Variants in EFCAB11 observed in about 807,000 individuals in gnomAD.
EFCAB11 encodes EF-hand calcium binding domain 11.
Under a neutral mutation model 23.0 loss-of-function variants are expected in EFCAB11, and 14 were observed. The ratio of observed to expected loss-of-function variants is 0.61; its 90% CI spans 0.40 to 0.95. The LOEUF is 0.95. Ranked by LOEUF, EFCAB11 falls within the 40% of genes least tolerant of loss-of-function variation. The pLI, the probability that EFCAB11 is intolerant of heterozygous loss-of-function variation, is 0.00. For synonymous variants in EFCAB11, 65 were observed against 66.6 expected (o/e 0.98, Z 0.11); for missense variants, 198 against 195.8 (o/e 1.01, Z -0.07).
intron 5 of EFCAB11, among the ~76,000 whole-genome samples, chr14:89,844,250 T>C (rs968126086): frequency 3.9e-5 from 6 of 152,232 alleles, no homozygotes; most frequent in African/African-American, 1.4e-4. Flanking sequence ...ATAAAATTAA[T>C]ACTTTTTAAT....
At chr14:89,854,210 A>G (rs62963861) in intron 5 of EFCAB11, among the ~76,000 whole-genome samples, 1 of 147,300 alleles carries the variant, frequency 6.8e-6, no homozygotes, top group Admixed American at 6.8e-5. Context: ...AAAAAAAAAA[A>G]TGACATCTCA....
At chr14:89,858,172 T>C (rs1345174860) in intron 5 of EFCAB11, among the ~76,000 whole-genome samples, 1 of 152,140 alleles carries the variant, frequency 6.6e-6, no homozygotes, top group African/African-American at 2.4e-5. Flanking sequence ...TCTCTTGCCA[T>C]GTGGTGAAGA....
intron 5 of EFCAB11, among the ~76,000 whole-genome samples, chr14:89,918,487 C>T (rs536959940): frequency 1.5e-4 from 22 of 148,582 alleles, no homozygotes; most frequent in African/African-American, 5.0e-4. Flanking sequence ...TGCAGTGAGC[C>T]GAGATCACAC....
In EFCAB11 at chr14:89,796,520, C is replaced by T. The variant is rs1005315952; in HGVS notation, c.*723G>A. The T allele has an allele frequency of 6.6e-6, 1 of 152,000 alleles. No individual in the cohort carries two copies. Among genetic ancestry groups the T allele is most frequent in the Non-Finnish European group, 1.5e-5 (1 of 68,020 alleles). The allele number at this position is 152,000 out of a possible 1,614,324, so 9.4% of individuals were successfully genotyped here. ...GTAGGGATGGGGTCTCGGTATGTTG[C>T]CCAGGCTAGTCTCCAATTCCTAGGC... On this transcript the variant is annotated 3_prime_UTR_variant, in exon 6 of 6. Transcript: ENST00000316738.
chr14:89,827,386 A>C (rs1413809959), intron 5 of EFCAB11, among the ~76,000 whole-genome samples: 1 of 152,126 alleles, frequency 6.6e-6, no homozygotes, highest in Non-Finnish European at 1.5e-5. Context: ...GCCTCACAGG[A>C]ACTGCAAGAG....
In EFCAB11 at chr14:89,881,457, A is replaced by G. The variant is rs956478197; in HGVS notation, c.410+50084T>C. On this transcript the variant is annotated intron_variant, in intron 5 of 5. Transcript: ENST00000316738. ...TGGTCTACTTTATGACTTGGCATATATATATATATTCTTTTTTTTTTTCTT... is the reference window on the plus strand; with the variant it reads ...TGGTCTACTTTATGACTTGGCATATGTATATATATTCTTTTTTTTTTTCTT... 4.0e-3 allele frequency among the ~76,000 whole-genome samples: 445 copies of G among 112,442 alleles called. 45 individuals carry two copies. The highest frequency in any genetic ancestry group is 0.014 in the African/African-American group (412 of 30,290). The allele number at this position is 112,442 out of a possible 152,430, so 73.8% of individuals were successfully genotyped here. A position where few individuals can be genotyped will look rare whatever the true frequency, so the allele number is the denominator to read the frequency against.
intron 5 of EFCAB11, among the ~76,000 whole-genome samples, chr14:89,917,960 A>C (rs1889902756): frequency 6.6e-6 from 1 of 152,186 alleles, no homozygotes; most frequent in Non-Finnish European, 1.5e-5. Context: ...GCTGGGGAAG[A>C]GCGAGAATCG....
chr14:89,840,096 G>A (rs975445838), intron 5 of EFCAB11, among the ~76,000 whole-genome samples: 2 of 152,150 alleles, frequency 1.3e-5, no homozygotes, highest in South Asian at 2.1e-4. Context: ...CCACTTAAAA[G>A]TGCCCTTGTA....
At chr14:89,907,570 C>T (rs1308815837) in intron 5 of EFCAB11, among the ~76,000 whole-genome samples, 1 of 152,132 alleles carries the variant, frequency 6.6e-6, no homozygotes, top group Non-Finnish European at 1.5e-5. Context: ...CTATTTTTTA[C>T]TATGAAAATT....
intron 4 of EFCAB11, 45 bp downstream of exon 4, chr14:89,932,481 T>C (rs770403335): frequency 7.9e-6 from 12 of 1,513,038 alleles, no homozygotes; most frequent in African/African-American, 2.9e-5. Context: ...TTGCAATCCC[T>C]TAAAAGTAAT....
intron 1 of EFCAB11, chr14:89,954,252 A>G: frequency 1.6e-6 from 2 of 1,256,212 alleles, no homozygotes; most frequent in Non-Finnish European, 2.2e-6. Flanking sequence ...TAATTCATTT[A>G]GGCCACTGAG....
chr14:89,805,114 G>A (rs1240811358), intron 5 of EFCAB11, among the ~76,000 whole-genome samples: 1 of 152,210 alleles, frequency 6.6e-6, no homozygotes, highest in Non-Finnish European at 1.5e-5. Flanking sequence ...AACGACATAA[G>A]CCAGGCAAAA....
chr14:89,915,362 T>C (rs532428767), intron 5 of EFCAB11, among the ~76,000 whole-genome samples: 1 of 152,210 alleles, frequency 6.6e-6, no homozygotes, highest in Non-Finnish European at 1.5e-5. Context: ...CAGTACAAAT[T>C]TTTCAAAAAC....
At chr14:89,867,601 C>T (rs549829724) in intron 5 of EFCAB11, among the ~76,000 whole-genome samples, 4 of 152,162 alleles carry the variant, frequency 2.6e-5, no homozygotes, top group Admixed American at 6.5e-5. Context: ...CTTTATCCTA[C>T]GTGCTAAATA....
At chr14:89,825,552 A>C (rs1285152006) in intron 5 of EFCAB11, among the ~76,000 whole-genome samples, 3 of 152,182 alleles carry the variant, frequency 2.0e-5, no homozygotes, top group Non-Finnish European at 4.4e-5. Flanking sequence ...CTCTTTAAAA[A>C]AATTAATAAA....
chr14:89,867,047 G>A (rs563363353), intron 5 of EFCAB11, among the ~76,000 whole-genome samples: 17 of 152,288 alleles, frequency 1.1e-4, no homozygotes, highest in African/African-American at 1.4e-4. Context: ...GATTACAGGC[G>A]TGAGCCACTG....
intron 5 of EFCAB11, among the ~76,000 whole-genome samples, chr14:89,839,442 T>C (rs1275452862): frequency 6.6e-6 from 1 of 151,862 alleles, no homozygotes; most frequent in East Asian, 1.9e-4. Context: ...GGTGTTGAGG[T>C]TGGAGGTCTC....
At position 89,896,304 on chromosome 14, in the gene EFCAB11, G is replaced by A. The variant is rs568695223; in HGVS notation, c.410+35237C>T. 1.7e-3 allele frequency among the ~76,000 whole-genome samples: 262 copies of A among 152,164 alleles called. 2 individuals carry two copies. Among genetic ancestry groups the A allele is most frequent in the Non-Finnish European group, 3.0e-3 (201 of 67,994 alleles). ...TCACAGGAGGCCGAGGCAGGAGAAC[G>A]GCGTGAACCCGGGAGGCGGAGCTTG... On this transcript the variant is annotated intron_variant, in intron 5 of 5. Coordinates refer to ENST00000316738, the MANE Select transcript of EFCAB11 (RefSeq NM_145231.4).
intron 5 of EFCAB11, among the ~76,000 whole-genome samples, chr14:89,855,996 T>C (rs1258428913): frequency 6.6e-6 from 1 of 152,230 alleles, no homozygotes; most frequent in Non-Finnish European, 1.5e-5. Context: ...ATCGTATATA[T>C]ACACCACAGT....
Sources: gnomAD v4.1 joint callset for allele counts (sites outside exome capture counted in the v4.1 genomes callset) on GRCh38, gnomAD v4.1.1 for gene constraint, MANE v1.5 for transcripts, NCBI Gene and HGNC (gene_info 2026-07-23, HGNC 2026-07-21) for gene names.